Variants in COLEC12 observed in about 807,000 individuals in gnomAD.
COLEC12 encodes the protein collectin-12.
A neutral mutation model predicts 71.1 loss-of-function variants in COLEC12; 33 were observed. The observed-to-expected ratio is 0.46, with a 90% CI of 0.35 to 0.62. COLEC12 has a LOEUF of 0.62. Ranked by LOEUF, COLEC12 falls within the 20% of genes least tolerant of loss-of-function variation. The pLI, the probability that COLEC12 is intolerant of heterozygous loss-of-function variation, is 0.00. For synonymous variants in COLEC12, 350 were observed against 353.0 expected (o/e 0.99, Z 0.10); for missense variants, 765 against 916.1 (o/e 0.84, Z 2.13).
In COLEC12 at chr18:423,150, T is replaced by A. The variant is rs186954668; in HGVS notation, c.58+57557A>T. Among the ~76,000 whole-genome samples the A allele has an allele frequency of 5.3e-5, 8 of 152,240 alleles. No individual in the cohort carries two copies. In the East Asian group the frequency reaches 1.5e-3, roughly 29 times the overall value. On this transcript the variant is annotated intron_variant, in intron 2 of 9. Coordinates refer to ENST00000400256, the MANE Select transcript of COLEC12 (RefSeq NM_130386.3). The stretch of plus-strand genomic sequence containing the variant: ...CTGGGTGTGATGTTGATGCCTGTAA[T>A]CCTAGCTCCTTGGGAAGATGAGGTG...
chr18:361,590 C>G (rs182407418), intron 2 of COLEC12, among the ~76,000 whole-genome samples: 1 of 152,286 alleles, frequency 6.6e-6, no homozygotes, highest in East Asian at 1.9e-4. Context: ...CACACACGGA[C>G]CAGCGCATAA....
intron 2 of COLEC12, among the ~76,000 whole-genome samples, chr18:451,291 T>C (rs1916755747): frequency 1.3e-5 from 2 of 152,176 alleles, no homozygotes; most frequent in South Asian, 4.1e-4. Context: ...TGCTGGACGT[T>C]TCCACCTAAA....
chr18:396,246 GCAAA>G (rs1226422797), intron 2 of COLEC12, among the ~76,000 whole-genome samples: 11 of 152,192 alleles, frequency 7.2e-5, no homozygotes. Flanking sequence ...CTGAGTTTCT[GCAAA>G]CAAACAGCAT....
rs572942943 is a variant in COLEC12 at position 343,488 on chromosome 18, G to A, written c.1327+2807C>T. 3.7e-4 allele frequency among the ~76,000 whole-genome samples: 56 copies of A among 152,020 alleles called. 1 individual carries two copies. Among genetic ancestry groups the A allele is most frequent in the Admixed American group, 3.5e-3 (54 of 15,278 alleles). On this transcript the variant is annotated intron_variant, in intron 5 of 9. Coordinates refer to ENST00000400256, the MANE Select transcript of COLEC12 (RefSeq NM_130386.3). ...TCACCAACAGCTGGTCCGTGCTCTC[G>A]GTGACCCCTCCCTGCTCTCTATTCT... is the stretch of plus-strand genomic sequence containing the variant.
intron 2 of COLEC12, among the ~76,000 whole-genome samples, chr18:379,708 G>A (rs143450018): frequency 1.0e-3 from 158 of 152,252 alleles, no homozygotes; most frequent in African/African-American, 3.6e-3. Context: ...TCCCACAGGG[G>A]CTTGCAAATC....
intron 2 of COLEC12, among the ~76,000 whole-genome samples, chr18:462,950 G>T (rs1917011373): frequency 6.6e-6 from 1 of 152,208 alleles, no homozygotes; most frequent in Non-Finnish European, 1.5e-5. Context: ...GAAACATAAA[G>T]TGTAATAGCT....
At chr18:481,093 C>T (rs377475001) in intron 1 of COLEC12, among the ~76,000 whole-genome samples, 4 of 152,160 alleles carry the variant, frequency 2.6e-5, no homozygotes, top group African/African-American at 4.8e-5. Flanking sequence ...CACATGTGTG[C>T]GTGAATTTAC....
chr18:321,892 A>T, intron 8 of COLEC12, 85 bp from the exon 9 acceptor site: 1 of 1,304,206 alleles, frequency 7.7e-7, no homozygotes, highest in Non-Finnish European at 1.1e-6. Flanking sequence ...ATATAAAAAA[A>T]CAAAATTGAA....
intron 3 of COLEC12, among the ~76,000 whole-genome samples, chr18:356,854 G>T (rs539342211): frequency 1.4e-4 from 21 of 152,310 alleles, no homozygotes; most frequent in African/African-American, 5.1e-4. Flanking sequence ...AAAGTAGGGT[G>T]AGGTGGTAGT....
At chr18:320,288 C>G (rs1245041584) in intron 9 of COLEC12, among the ~76,000 whole-genome samples, 1 of 152,150 alleles carries the variant, frequency 6.6e-6, no homozygotes, top group Non-Finnish European at 1.5e-5. Flanking sequence ...TCTGGGAAAG[C>G]CTGGTCCCTA....
chr18:442,002 TACACACACACA>T (rs1326414736), intron 2 of COLEC12, among the ~76,000 whole-genome samples: 3 of 120,744 alleles, frequency 2.5e-5, no homozygotes, highest in Admixed American at 7.9e-5. Context: ...TCTCTCTCTC[TACACACACACA>T]CACACACACA....
intron 2 of COLEC12, among the ~76,000 whole-genome samples, chr18:441,231 G>A (rs934745975): frequency 3.3e-5 from 5 of 151,762 alleles, no homozygotes; most frequent in African/African-American, 9.7e-5. Context: ...CTGGGCGACA[G>A]AGCGAGACTC....
intron 5 of COLEC12, 118 bp from the exon 6 acceptor site, chr18:335,348 G>A (rs1914095039): frequency 9.2e-7 from 1 of 1,089,928 alleles, no homozygotes; most frequent in South Asian, 1.7e-5. Flanking sequence ...AGTATATACA[G>A]CAGGGAAAGA....
intron 2 of COLEC12, among the ~76,000 whole-genome samples, chr18:369,449 G>GT (rs56254829): frequency 0.012 from 1,520 of 131,828 alleles, 14 homozygotes; most frequent in African/African-American, 0.034. Flanking sequence ...TTGGAATAAT[G>GT]TTTTTTTTTT....
At position 476,853 on chromosome 18, in the gene COLEC12, G is replaced by A. The variant is rs116285992; in HGVS notation, c.58+3854C>T. Among the ~76,000 whole-genome samples, 651 of 152,260 alleles carry A rather than the reference G, an allele frequency of 4.3e-3. 3 individuals are homozygous for A. Among genetic ancestry groups the A allele is most frequent in the African/African-American group, 0.015 (616 of 41,546 alleles). On this transcript the variant is annotated intron_variant, in intron 2 of 9. Coordinates refer to ENST00000400256, the MANE Select transcript of COLEC12 (RefSeq NM_130386.3). ...TCTGCCAAATTGTAACTATAGTTAC[G>A]TCCCAATTAGCTCTGCATACTGAGG...
At chr18:407,696 T>C (rs1448869731) in intron 2 of COLEC12, among the ~76,000 whole-genome samples, 1 of 152,128 alleles carries the variant, frequency 6.6e-6, no homozygotes, top group African/African-American at 2.4e-5. Context: ...TCCAGAAACA[T>C]CCTCACAGAC....
Position 347,314 on chromosome 18 carries a change from C to A in COLEC12, c.308G>T (p.Ser103Ile). The A allele has an allele frequency of 6.2e-7, 1 of 1,612,176 alleles. No individual in the cohort carries two copies. The highest frequency in any genetic ancestry group is 1.3e-5 in the African/African-American group (1 of 74,950). ...LGDQTGKKAI[S>I]TNSELSTFRS... ...GAAGGTGGAGAGTTCTGAGTTGGTG[C>A]TGATAGCTTTCTTCCCAGTTTGGTC... Residue 103 changes from serine to isoleucine, a missense_variant, in exon 5 of 10, where the codon AGC becomes ATC. Transcript: ENST00000400256.
intron 2 of COLEC12, among the ~76,000 whole-genome samples, chr18:476,888 G>A (rs28363922): frequency 0.029 from 4,384 of 152,204 alleles, 208 homozygotes; most frequent in African/African-American, 0.1. Flanking sequence ...GCCAAGAAAC[G>A]CTGACCCTCA....
intron 9 of COLEC12, among the ~76,000 whole-genome samples, chr18:320,320 C>G (rs1009112059): frequency 1.3e-5 from 2 of 152,156 alleles, no homozygotes; most frequent in Non-Finnish European, 2.9e-5. Context: ...AATGGCCAAA[C>G]AAAGCATACA....
Sources: gnomAD v4.1 joint callset for allele counts (sites outside exome capture counted in the v4.1 genomes callset) on GRCh38, gnomAD v4.1.1 for gene constraint, MANE v1.5 for transcripts, NCBI Gene and HGNC (gene_info 2026-07-23, HGNC 2026-07-21) for gene names.